CGAS: variants seen among roughly 807,000 people sequenced by gnomAD.
The protein encoded by CGAS is cyclic GMP-AMP synthase.
A neutral mutation model predicts 34.0 loss-of-function variants in CGAS; 31 were observed. The observed-to-expected ratio is 0.91, with a 90% CI of 0.69 to 1.23. CGAS has a LOEUF of 1.23. Ranked by LOEUF, CGAS falls within the 50% of genes most tolerant of loss-of-function variation. The pLI is 0.00. For synonymous variants in CGAS, 266 were observed against 260.0 expected, an observed-to-expected ratio of 1.02 and a Z score of -0.22; for missense variants, 597 against 657.6, an observed-to-expected ratio of 0.91 and a Z score of 1.01.
intron 3 of CGAS, among the ~76,000 whole-genome samples, chr6:73,438,272 T>C (rs1421323565): frequency 6.6e-6 from 1 of 151,834 alleles, no homozygotes; most frequent in Non-Finnish European, 1.5e-5. Context: ...AGAAGCAGAG[T>C]TTTGTCTAAT....
At chr6:73,449,679 T>C (rs902144505) in intron 1 of CGAS, among the ~76,000 whole-genome samples, 1 of 151,982 alleles carries the variant, frequency 6.6e-6, no homozygotes, top group Non-Finnish European at 1.5e-5. Context: ...AGTAAATTAG[T>C]TAATTAAAAA....
At chr6:73,436,743 G>A (rs372009264) in intron 3 of CGAS, among the ~76,000 whole-genome samples, 3 of 151,532 alleles carry the variant, frequency 2.0e-5, no homozygotes, top group South Asian at 2.1e-4. Flanking sequence ...CGCTGGTCTC[G>A]AACTCCTGAG....
At chr6:73,441,238 G>A (rs1162632380) in intron 2 of CGAS, among the ~76,000 whole-genome samples, 2 of 151,820 alleles carry the variant, frequency 1.3e-5, no homozygotes, top group Non-Finnish European at 2.9e-5. Context: ...ACAGGCATGT[G>A]CCACTGTGCC....
intron 2 of CGAS, among the ~76,000 whole-genome samples, chr6:73,440,881 G>A (rs902864138): frequency 7.9e-5 from 12 of 151,372 alleles, no homozygotes; most frequent in East Asian, 5.9e-4. Context: ...CAGCCTGGGC[G>A]ACAGATTAAG....
rs1399844160 is a variant in CGAS at position 73,451,858 on chromosome 6, A to C, written c.324T>G (p.Pro108=). 1.3e-6 allele frequency: 2 copies of C among 1,549,566 alleles called. No homozygotes were observed. The highest frequency in any genetic ancestry group is 1.7e-6 in the Non-Finnish European group (2 of 1,146,832). Residue 108 remains proline (P), a synonymous_variant, in exon 1 of 5, where the codon CCT becomes CCG. Coordinates refer to ENST00000370315, the MANE Select transcript of CGAS (RefSeq NM_138441.3). ...TGGAAAGAGCCGGCTCCCGAGCCGCAGGAGGCTCCAGCCCCTCTGCCCCAG... is the reference window on the plus strand; with the variant it reads ...TGGAAAGAGCCGGCTCCCGAGCCGCCGGAGGCTCCAGCCCCTCTGCCCCAG... The part of the protein sequence containing the change: ...SAPGAEGLEP[P]AAREPALSRA...
intron 4 of CGAS, 97 bp from the exon 5 acceptor site, chr6:73,425,675 A>G (rs1209594867): frequency 4.1e-5 from 32 of 787,660 alleles, no homozygotes; most frequent in Non-Finnish European, 6.1e-5. Flanking sequence ...ATAAAGATAT[A>G]TAATAACATA....
At position 73,424,411 on chromosome 6, in the gene CGAS, G is replaced by A. The variant is rs1270706255; in HGVS notation, c.*816C>T. ...ATCATGCCACTGGACTCCAGCCTGG[G>A]CGACAGAGCGAGACTCCATCTAAAA... On this transcript the variant is annotated 3_prime_UTR_variant, in exon 5 of 5. Transcript: ENST00000370315. The A allele has an allele frequency of 6.6e-6, 1 of 151,266 alleles. No individual in the cohort carries two copies. The highest frequency in any genetic ancestry group is 2.1e-4 in the South Asian group (1 of 4,802). The allele number at this position is 151,266 out of a possible 1,614,324, so 9.4% of individuals were successfully genotyped here. A position where few individuals can be genotyped will look rare whatever the true frequency, so the allele number is the denominator to read the frequency against.
chr6:73,450,989 CAAA>C (rs386407555), intron 1 of CGAS, among the ~76,000 whole-genome samples: 3 of 75,870 alleles, frequency 4.0e-5, no homozygotes, highest in Non-Finnish European at 5.4e-5. Context: ...GACTCCGCCT[CAAA>C]AAAAAAAAAA....
At chr6:73,433,852 C>A (rs1400644229) in intron 3 of CGAS, among the ~76,000 whole-genome samples, 1 of 152,128 alleles carries the variant, frequency 6.6e-6, no homozygotes. Flanking sequence ...TCTCCTTCCT[C>A]AGCCTTCTGA....
chr6:73,446,828 C>A (rs1381823372), intron 1 of CGAS, among the ~76,000 whole-genome samples: 1 of 151,328 alleles, frequency 6.6e-6, no homozygotes, highest in Non-Finnish European at 1.5e-5. Flanking sequence ...GAGGACGAGG[C>A]AGGCGAATCA....
chr6:73,440,540 G>C, intron 2 of CGAS, 95 bp from the exon 3 acceptor site: 1 of 1,091,056 alleles, frequency 9.2e-7, no homozygotes, highest in South Asian at 1.6e-5. Flanking sequence ...AAGATCTCTG[G>C]TGTGCTAAGT....
Position 73,443,268 on chromosome 6 carries a change from C to A in CGAS, c.877+2260G>T, listed in dbSNP as rs1421143063. Among the ~76,000 whole-genome samples the A allele has an allele frequency of 2.5e-5, 3 of 120,430 alleles. No homozygotes were observed. In the South Asian group the frequency reaches 8.7e-4, roughly 35 times the overall value. The allele number at this position is 120,430 out of a possible 152,430, so 79.0% of individuals were successfully genotyped here. On this transcript the variant is annotated intron_variant, in intron 2 of 4. Transcript: ENST00000370315. The stretch of plus-strand genomic sequence containing the variant: ...TTTTTTTTTTTTTCTGAGACAGGGT[C>A]TCACTCTGTCGCCCAGGCTGGAGTT...
intron 2 of CGAS, among the ~76,000 whole-genome samples, chr6:73,444,501 G>T (rs1770436705): frequency 6.6e-6 from 1 of 151,250 alleles, no homozygotes; most frequent in South Asian, 2.1e-4. Flanking sequence ...TAGAGATGGG[G>T]TTTCTCCATG....
intron 2 of CGAS, among the ~76,000 whole-genome samples, chr6:73,442,052 T>C (rs966217206): frequency 6.6e-6 from 1 of 152,088 alleles, no homozygotes; most frequent in African/African-American, 2.4e-5. Context: ...TTTGTATTTT[T>C]AGTAGAGACA....
chr6:73,451,505 G>C lies in CGAS; in HGVS notation c.657+20C>G. The C allele has an allele frequency of 1.3e-6, 2 of 1,523,178 alleles. No individual in the cohort carries two copies. The highest frequency in any genetic ancestry group is 1.8e-6 in the Non-Finnish European group (2 of 1,128,134). The allele number at this position is 1,523,178 out of a possible 1,614,324, so 94.4% of individuals were successfully genotyped here. ...AAGGCCGAGCAGCGGGGCTCGGCGGGAGGGCGCCAAGCAGCTCACCTTCAC... is the reference window on the plus strand; with the variant it reads ...AAGGCCGAGCAGCGGGGCTCGGCGGCAGGGCGCCAAGCAGCTCACCTTCAC... On this transcript the variant is annotated intron_variant, in intron 1 of 4. Transcript: ENST00000370315.
chr6:73,438,645 A>G (rs1486987521), intron 3 of CGAS, among the ~76,000 whole-genome samples: 1 of 148,898 alleles, frequency 6.7e-6, no homozygotes, highest in Admixed American at 6.9e-5. Flanking sequence ...CAGTGAGCCA[A>G]GTTCACACCA....
At chr6:73,428,333 C>A (rs1770125289) in intron 4 of CGAS, among the ~76,000 whole-genome samples, 1 of 152,002 alleles carries the variant, frequency 6.6e-6, no homozygotes, top group Non-Finnish European at 1.5e-5. Flanking sequence ...TAAGAGCGAC[C>A]TTTTGGCCTC....
At chr6:73,436,504 T>C (rs1770282432) in intron 3 of CGAS, among the ~76,000 whole-genome samples, 1 of 100,232 alleles carries the variant, frequency 1.0e-5, no homozygotes, top group Non-Finnish European at 2.1e-5. Context: ...TGCCATCCCC[T>C]TTTTAAAATA....
chr6:73,428,955 G>A (rs1770136158), intron 3 of CGAS, 144 bp from the exon 4 acceptor site: 1 of 688,498 alleles, frequency 1.5e-6, no homozygotes, highest in Admixed American at 3.0e-5. Flanking sequence ...GGGAGGCCGA[G>A]GAGGGTGGGT....
Sources: gnomAD v4.1 joint callset for allele counts (sites outside exome capture counted in the v4.1 genomes callset) on GRCh38, gnomAD v4.1.1 for gene constraint, MANE v1.5 for transcripts, NCBI Gene and HGNC (gene_info 2026-07-23, HGNC 2026-07-21) for gene names.